The following TEAD4 variants were observed in gnomAD, a reference collection of about 807,000 sequenced individuals.
The protein encoded by TEAD4 is TEA domain transcription factor 4, also known as transcriptional enhancer factor TEF-3.
In TEAD4, 36 loss-of-function variants were observed where a neutral mutation model predicts 52.4. The ratio of observed to expected loss-of-function variants is 0.69; its 90% CI spans 0.53 to 0.91. TEAD4 has a LOEUF of 0.91. TEAD4 is among the 40% of genes least tolerant of loss of function. The pLI is 0.00. For synonymous variants in TEAD4, 220 were observed against 231.0 expected (o/e 0.95, Z 0.43); for missense variants, 508 against 583.9 (o/e 0.87, Z 1.34).
At chr12:2,964,151 C>A (rs1455509420) in intron 2 of TEAD4, among the ~76,000 whole-genome samples, 1 of 152,192 alleles carries the variant, frequency 6.6e-6, no homozygotes. Context: ...AGCTAGAGCT[C>A]CGTGCCGGTT....
chr12:3,013,259 ATTTT>A (rs77874270), intron 5 of TEAD4, among the ~76,000 whole-genome samples: 1 of 131,990 alleles, frequency 7.6e-6, no homozygotes, highest in Non-Finnish European at 1.7e-5. Context: ...GCCTGCAAAC[ATTTT>A]TTTTTTTTTT....
intron 11 of TEAD4, among the ~76,000 whole-genome samples, chr12:3,039,678 A>G (rs1014202554): frequency 6.6e-6 from 1 of 151,970 alleles, no homozygotes. Context: ...CCACCAACCT[A>G]AGAGGGTGAC....
chr12:2,961,906 C>A (rs2098215666), intron 2 of TEAD4, among the ~76,000 whole-genome samples: 1 of 152,076 alleles, frequency 6.6e-6, no homozygotes, highest in Admixed American at 6.6e-5. Flanking sequence ...AGGCCCTACG[C>A]TGTGTTCCGC....
intron 2 of TEAD4, among the ~76,000 whole-genome samples, chr12:2,963,617 T>C (rs546606222): frequency 6.6e-6 from 1 of 152,306 alleles, no homozygotes; most frequent in African/African-American, 2.4e-5. Flanking sequence ...CTAATTCCAC[T>C]TTTGCCTGGA....
intron 6 of TEAD4, among the ~76,000 whole-genome samples, chr12:3,018,017 C>T (rs2153957176): frequency 6.6e-6 from 1 of 152,346 alleles, no homozygotes; most frequent in Non-Finnish European, 1.5e-5. Context: ...TCCAGAAAGG[C>T]CCCTTTTCAG....
At chr12:3,019,712 C>T (rs970574989) in intron 8 of TEAD4, among the ~76,000 whole-genome samples, 1 of 152,152 alleles carries the variant, frequency 6.6e-6, no homozygotes, top group Non-Finnish European at 1.5e-5. Flanking sequence ...CTCTGTAGGA[C>T]AAGACCAGCT....
intron 3 of TEAD4, among the ~76,000 whole-genome samples, chr12:3,003,014 C>T (rs2098252896): frequency 6.6e-6 from 1 of 152,178 alleles, no homozygotes; most frequent in African/African-American, 2.4e-5. Flanking sequence ...TCAGTTGATC[C>T]CTGGATAGCT....
intron 5 of TEAD4, chr12:3,017,051 C>T (rs1007811773): frequency 4.2e-6 from 2 of 473,144 alleles, no homozygotes; most frequent in Admixed American, 2.3e-5. Context: ...ATTCATGCAT[C>T]GTTTTCACAA....
At chr12:3,011,840 AT>A (rs1458317266) in intron 4 of TEAD4, among the ~76,000 whole-genome samples, 1 of 151,578 alleles carries the variant, frequency 6.6e-6, no homozygotes, top group Admixed American at 6.6e-5. Context: ...TAATTTTTGT[AT>A]TTTTAGTAGA....
chr12:2,984,323 A>G (rs966528625), intron 2 of TEAD4, among the ~76,000 whole-genome samples: 6 of 152,200 alleles, frequency 3.9e-5, no homozygotes, highest in African/African-American at 7.2e-5. Context: ...TGCATTTTAG[A>G]AAAATCACTG....
chr12:2,994,625 G>T lies in TEAD4; in HGVS notation c.-29-113G>T. 3 of 1,364,036 alleles carry T rather than the reference G, an allele frequency of 2.2e-6. No homozygotes were observed. The highest frequency in any genetic ancestry group is 2.9e-6 in the Non-Finnish European group (3 of 1,036,032). The allele number at this position is 1,364,036 out of a possible 1,614,324, so 84.5% of individuals were successfully genotyped here. On this transcript the variant is annotated intron_variant, in intron 2 of 12. Transcript: ENST00000359864. This position sits in a 1 kb window ranked among gnomAD's most constrained non-coding sequence, Gnocchi z 4.7. ...GATTCTCACAGATCTTTCACTTCAC[G>T]CTTTGCTTCCTGAGCAACTGATTCG...
intron 3 of TEAD4, among the ~76,000 whole-genome samples, chr12:3,000,445 G>C (rs1019646086): frequency 7.2e-5 from 11 of 152,110 alleles, no homozygotes; most frequent in African/African-American, 2.7e-4. Flanking sequence ...CGAAGGGGCC[G>C]AGTGTGCTTG....
chr12:2,985,857 G>A (rs747655034), intron 2 of TEAD4, among the ~76,000 whole-genome samples: 7 of 151,926 alleles, frequency 4.6e-5, no homozygotes, highest in South Asian at 2.1e-4. Context: ...AGGCCGAGGC[G>A]GGTGGATCAC....
Position 3,020,940 on chromosome 12 carries a change from C to T in TEAD4, c.723+167C>T, listed in dbSNP as rs2098268277. On this transcript the variant is annotated intron_variant, in intron 9 of 12. Transcript: ENST00000359864. The stretch of plus-strand genomic sequence containing the variant: ...CCACTCCTCCTTTCCTCCTTCACGT[C>T]ACCCCTCTTCCCTCTTTCCCTCCTC... 2.6e-5 allele frequency among the ~76,000 whole-genome samples: 4 copies of T among 152,226 alleles called. No homozygotes were observed. The South Asian group carries it at 8.3e-4, about 32-fold the overall frequency.
At chr12:2,964,311 T>C (rs2098218381) in intron 2 of TEAD4, among the ~76,000 whole-genome samples, 1 of 152,194 alleles carries the variant, frequency 6.6e-6, no homozygotes. Context: ...GATAAAAGGC[T>C]GGTGTTGTTG....
Position 3,011,087 on chromosome 12 carries a change from G to A in TEAD4, c.291+19G>A. The A allele has an allele frequency of 6.2e-7, 1 of 1,613,988 alleles. No homozygotes were observed. The highest frequency in any genetic ancestry group is 8.5e-7 in the Non-Finnish European group (1 of 1,179,912). Reference sequence around the variant, plus strand: ...GAAGCAGGTGGGCCTCAAGAGACGGGTAGGGGTCCCGGGGGTGGTACCCCA... The same window carrying A: ...GAAGCAGGTGGGCCTCAAGAGACGGATAGGGGTCCCGGGGGTGGTACCCCA... On this transcript the variant is annotated intron_variant, in intron 4 of 12. Coordinates refer to ENST00000359864, the MANE Select transcript of TEAD4 (RefSeq NM_003213.4).
intron 2 of TEAD4, among the ~76,000 whole-genome samples, chr12:2,962,404 C>T (rs551928939): frequency 1.4e-5 from 2 of 139,886 alleles, no homozygotes; most frequent in Non-Finnish European, 3.1e-5. Flanking sequence ...GGTGCGATCT[C>T]GGCTCACCAC....
chr12:3,029,423 A>G (rs956628143), intron 10 of TEAD4, among the ~76,000 whole-genome samples: 8 of 151,984 alleles, frequency 5.3e-5, no homozygotes, highest in Non-Finnish European at 1.0e-4. Flanking sequence ...TATTTTTAGT[A>G]GAGACGGGGT....
chr12:3,028,483 T>C (rs972740248), intron 10 of TEAD4, among the ~76,000 whole-genome samples: 22 of 152,214 alleles, frequency 1.4e-4, no homozygotes, highest in African/African-American at 5.1e-4. Context: ...TATTCTCTGA[T>C]TGTAGCCATC....
Sources: gnomAD v4.1 joint callset for allele counts (sites outside exome capture counted in the v4.1 genomes callset) on GRCh38, gnomAD v4.1.1 for gene constraint, Gnocchi (gnomAD v3.1) non-coding constraint, MANE v1.5 for transcripts, NCBI Gene and HGNC (gene_info 2026-07-23, HGNC 2026-07-21) for gene names.